PRKN: variants seen among roughly 807,000 people sequenced by gnomAD.
PRKN encodes the protein E3 ubiquitin-protein ligase parkin.
A neutral mutation model predicts 59.5 loss-of-function variants in PRKN; 56 were observed. The observed-to-expected ratio is 0.94, with a 90% CI of 0.76 to 1.18. The LOEUF is 1.18. PRKN is among the 50% of genes most tolerant of loss of function. The pLI is 0.00. For missense variants in PRKN, 657 were observed against 596.4 expected (o/e 1.10, Z -1.06); for synonymous variants, 250 against 222.1 (o/e 1.13, Z -1.12).
intron 1 of PRKN, among the ~76,000 whole-genome samples, chr6:162,446,547 G>C (rs1790324921): frequency 6.6e-6 from 1 of 152,056 alleles, no homozygotes; most frequent in Non-Finnish European, 1.5e-5. Context: ...CAGATTTAAA[G>C]TTACAGTATT....
In PRKN at chr6:161,442,463, A is replaced by T. The variant is rs1274302139; in HGVS notation, c.1084-55586T>A. On this transcript the variant is annotated intron_variant, in intron 9 of 11. Transcript: ENST00000366898. This position sits in a 1 kb window ranked among gnomAD's most constrained non-coding sequence, Gnocchi z 4.6. ...CTTTTATTCAGAACCATTACTCAGTATGATTTTAAAATCTCGGGCTTCATC... is the reference window on the plus strand; with the variant it reads ...CTTTTATTCAGAACCATTACTCAGTTTGATTTTAAAATCTCGGGCTTCATC... 6.6e-6 allele frequency among the ~76,000 whole-genome samples: 1 copy of T among 152,240 alleles called. No individual in the cohort carries two copies. Among genetic ancestry groups the T allele is most frequent in the East Asian group, 1.9e-4 (1 of 5,198 alleles).
chr6:162,222,451 C>A (rs1253078160), intron 3 of PRKN, among the ~76,000 whole-genome samples: 1 of 152,120 alleles, frequency 6.6e-6, no homozygotes, highest in Non-Finnish European at 1.5e-5. Flanking sequence ...GAGAGTCCCA[C>A]GTGTCAGGGC....
chr6:161,988,009 TC>T (rs1322650615), intron 5 of PRKN, among the ~76,000 whole-genome samples: 2 of 152,106 alleles, frequency 1.3e-5, no homozygotes, highest in East Asian at 3.9e-4. Context: ...CCCAGGCTTA[TC>T]ATTATAGAAC....
chr6:162,576,125 C>T (rs996955270), intron 1 of PRKN, among the ~76,000 whole-genome samples: 1 of 152,182 alleles, frequency 6.6e-6, no homozygotes, highest in Non-Finnish European at 1.5e-5. Flanking sequence ...TGCCTCCTCA[C>T]TCTGACCATG....
intron 9 of PRKN, among the ~76,000 whole-genome samples, chr6:161,535,041 T>C (rs1029078721): frequency 6.6e-6 from 1 of 152,258 alleles, no homozygotes; most frequent in African/African-American, 2.4e-5. Context: ...GTACATGTGG[T>C]TCTACATGGT....
chr6:162,000,858 T>G (rs1469139261), intron 5 of PRKN, among the ~76,000 whole-genome samples: 1 of 151,728 alleles, frequency 6.6e-6, no homozygotes, highest in Non-Finnish European at 1.5e-5. Flanking sequence ...TTTTTGTTTT[T>G]GCATGTTTGC....
intron 5 of PRKN, among the ~76,000 whole-genome samples, chr6:162,041,077 C>T (rs956760710): frequency 6.6e-6 from 1 of 151,842 alleles, no homozygotes; most frequent in Non-Finnish European, 1.5e-5. Context: ...CCCAGCTACT[C>T]GGGAGGCTGA....
intron 7 of PRKN, among the ~76,000 whole-genome samples, chr6:161,632,204 T>C (rs1057079468): frequency 4.6e-5 from 7 of 152,206 alleles, no homozygotes; most frequent in African/African-American, 1.7e-4. Context: ...GTTTTAATGA[T>C]AGTCACAGCG....
rs369714743 is a variant in PRKN, at chr6:162,457,940, C to A, written c.8-14467G>T. 2.6e-5 allele frequency among the ~76,000 whole-genome samples: 4 copies of A among 151,874 alleles called. No individual in the cohort carries two copies. The South Asian group carries it at 6.2e-4, about 24-fold the overall frequency. ...ATTACAGCCAGTCTGGCCAACATGA[C>A]AAAACCCCGTCTCTAATAAAAACAC... On this transcript the variant is annotated intron_variant, in intron 1 of 11. Transcript: ENST00000366898.
At chr6:162,671,604 T>C (rs558652897) in intron 1 of PRKN, among the ~76,000 whole-genome samples, 1 of 152,024 alleles carries the variant, frequency 6.6e-6, no homozygotes, top group Admixed American at 6.6e-5. Flanking sequence ...TTTGAAACAT[T>C]TGTGCAGTAA....
At chr6:161,452,854 TTCTCTC>T (rs138156168) in intron 9 of PRKN, among the ~76,000 whole-genome samples, 3 of 149,510 alleles carry the variant, frequency 2.0e-5, no homozygotes, top group African/African-American at 4.9e-5. Flanking sequence ...TAAATCCAAA[TTCTCTC>T]TCTCTCTCTC....
At chr6:161,790,839 C>T (rs543631974) in intron 6 of PRKN, among the ~76,000 whole-genome samples, 8 of 152,228 alleles carry the variant, frequency 5.3e-5, no homozygotes, top group Middle Eastern at 3.4e-3. Context: ...AGTTTAGCTC[C>T]GACAGAAGTA....
chr6:162,310,680 C>A (rs976106278), intron 2 of PRKN, among the ~76,000 whole-genome samples: 2 of 151,762 alleles, frequency 1.3e-5, no homozygotes, highest in Non-Finnish European at 2.9e-5. Flanking sequence ...ACCAACATGG[C>A]ACATGTATAC....
At chr6:162,689,226 G>A (rs1438542903) in intron 1 of PRKN, among the ~76,000 whole-genome samples, 1 of 152,076 alleles carries the variant, frequency 6.6e-6, no homozygotes, top group Non-Finnish European at 1.5e-5. Flanking sequence ...TTCACAACAG[G>A]GGCATTACTC....
At chr6:162,715,565 G>T (rs1778690809) in intron 1 of PRKN, among the ~76,000 whole-genome samples, 1 of 152,120 alleles carries the variant, frequency 6.6e-6, no homozygotes, top group Non-Finnish European at 1.5e-5. Context: ...TTTGGCTACT[G>T]GCAATTTTAT....
At chr6:161,694,690 C>A (rs1259229245) in intron 7 of PRKN, among the ~76,000 whole-genome samples, 1 of 152,186 alleles carries the variant, frequency 6.6e-6, no homozygotes, top group Non-Finnish European at 1.5e-5. Context: ...AATAGTGAAT[C>A]TTCTTGGAAT....
intron 1 of PRKN, among the ~76,000 whole-genome samples, chr6:162,452,106 CA>C (rs1790655258): frequency 6.6e-6 from 1 of 151,668 alleles, no homozygotes; most frequent in African/African-American, 2.4e-5. Flanking sequence ...AGGAAGAAAA[CA>C]AAAAGCAAAA....
rs73782872 is a variant in PRKN, at chr6:161,413,665, G to T, written c.1084-26788C>A. Among the ~76,000 whole-genome samples the T allele has an allele frequency of 1.3e-5, 2 of 152,260 alleles. No homozygotes were observed. Among genetic ancestry groups the T allele is most frequent in the South Asian group, 2.1e-4 (1 of 4,820 alleles). On this transcript the variant is annotated intron_variant, in intron 9 of 11. Transcript: ENST00000366898. The surrounding 1 kb of genome is among the most constrained non-coding windows in gnomAD (Gnocchi z 4.4). ...CCGGGTCCCAGGGACACCTGAGCAC[G>T]TCTCAGGGCGCCTTCTGTTCACAGC...
intron 6 of PRKN, among the ~76,000 whole-genome samples, chr6:161,835,499 C>T (rs1167399833): frequency 6.6e-6 from 1 of 152,216 alleles, no homozygotes; most frequent in African/African-American, 2.4e-5. Context: ...CCAAAATAAA[C>T]AATCTGCTCT....
Sources: gnomAD v4.1 joint callset for allele counts (sites outside exome capture counted in the v4.1 genomes callset) on GRCh38, gnomAD v4.1.1 for gene constraint, Gnocchi (gnomAD v3.1) non-coding constraint, MANE v1.5 for transcripts, NCBI Gene and HGNC (gene_info 2026-07-23, HGNC 2026-07-21) for gene names.